TEPSIN: variants seen among roughly 807,000 people sequenced by gnomAD.
TEPSIN encodes AP-4 complex accessory subunit tepsin.
Under a neutral mutation model 48.5 loss-of-function variants are expected in TEPSIN, and 50 were observed. The ratio of observed to expected loss-of-function variants is 1.03; its 90% CI spans 0.82 to 1.31. The LOEUF (loss-of-function observed/expected upper bound fraction) is 1.31. Among genes scored for constraint, TEPSIN ranks in the 50% most tolerant of loss-of-function variants. The pLI is 0.00. For synonymous variants in TEPSIN, 392 were observed against 358.8 expected (o/e 1.09, Z -1.05); for missense variants, 838 against 815.9 (o/e 1.03, Z -0.33).
rs1282555172 is a variant in TEPSIN at position 81,233,678 on chromosome 17, C to T, written c.414G>A (p.Pro138=). The change falls in exon 6 of 13, where the codon CCG becomes CCA. Residue 138 remains proline, a synonymous_variant. Transcript: ENST00000637944. The surrounding 1 kb of genome is among the most constrained non-coding windows in gnomAD (Gnocchi z 5.8). ...GSTLFSDTVL[P]LAPSQPLGTP... ...TCCCCAGAGGCTGGGAGGGAGCCAGCGGCAACACGGTGTCCGAGAACAGGG... is the reference window on the plus strand; with the variant it reads ...TCCCCAGAGGCTGGGAGGGAGCCAGTGGCAACACGGTGTCCGAGAACAGGG... The T allele has an allele frequency of 1.9e-5, 30 of 1,599,820 alleles. No homozygotes were observed. Among genetic ancestry groups the T allele is most frequent in the South Asian group, 1.4e-4 (12 of 88,470 alleles).
chr17:81,230,573 G>A lies in TEPSIN; in HGVS notation c.1204C>T (p.Pro402Ser). 3.7e-6 allele frequency: 6 copies of A among 1,611,858 alleles called. No homozygotes were observed. Among genetic ancestry groups the A allele is most frequent in the Non-Finnish European group, 5.1e-6 (6 of 1,179,280 alleles). ...GTGGCCTTGTTGGTCACAGGTCCCG[G>A]GCTGCCCATGCTGAGCTCCTGCAGC... The part of the protein sequence containing the change: ...PWLQELSMGS[P>S]GPVTNKATKI... The change falls in exon 12 of 13, where the codon CCG (proline) becomes TCG (serine). Residue 402 changes from proline to serine, a missense_variant. Physicochemically the swap from Pro to Ser is moderately conservative, Grantham distance 74 (BLOSUM62 -1). Transcript: ENST00000637944. The surrounding 1 kb of genome is among the most constrained non-coding windows in gnomAD (Gnocchi z 4.2).
rs866212591 is a variant in TEPSIN at position 81,228,812 on chromosome 17, G to A, written c.*116C>T. 7.3e-5 allele frequency: 95 copies of A among 1,301,086 alleles called. No homozygotes were observed. Among genetic ancestry groups the A allele is most frequent in the Middle Eastern group, 5.1e-4 (2 of 3,884 alleles). The allele number at this position is 1,301,086 out of a possible 1,614,324, so 80.6% of individuals were successfully genotyped here. On this transcript the variant is annotated 3_prime_UTR_variant, in exon 13 of 13. Transcript: ENST00000637944. Reference sequence around the variant, plus strand: ...GGGAAACTGAGGTAGCCCTAGGGTCGTCCTCTCAAGTCAAGCTGCCTGGAG... The same window carrying A: ...GGGAAACTGAGGTAGCCCTAGGGTCATCCTCTCAAGTCAAGCTGCCTGGAG...
In TEPSIN at chr17:81,229,832, G is replaced by A. The variant is rs556310339; in HGVS notation, c.1234-356C>T. 8.3e-5 allele frequency: 27 copies of A among 323,866 alleles called. No individual in the cohort carries two copies. The South Asian group carries it at 8.8e-4, about 11-fold the overall frequency. 20.1% of individuals were successfully genotyped at this position (323,866 alleles called of 1,614,324 possible). A position where few individuals can be genotyped will look rare whatever the true frequency, so the allele number is the denominator to read the frequency against. On this transcript the variant is annotated intron_variant, in intron 12 of 12. Coordinates refer to ENST00000637944, the MANE Select transcript of TEPSIN (RefSeq NM_001363764.2). Reference sequence around the variant, plus strand: ...ATCTGGGCATTTCCAACTGTTGGACGCAGGGTTCTTCCAGCATGCCCGTTT... The same window carrying A: ...ATCTGGGCATTTCCAACTGTTGGACACAGGGTTCTTCCAGCATGCCCGTTT...
At position 81,234,429 on chromosome 17, in the gene TEPSIN, A is replaced by G. The variant is rs1194310440; in HGVS notation, c.308-381T>C. Among the ~76,000 whole-genome samples, 6 of 151,956 alleles carry G rather than the reference A, an allele frequency of 3.9e-5. No homozygotes were observed. The East Asian group carries it at 1.2e-3, about 29-fold the overall frequency. On this transcript the variant is annotated intron_variant, in intron 4 of 12. Coordinates refer to ENST00000637944, the MANE Select transcript of TEPSIN (RefSeq NM_001363764.2). The surrounding 1 kb of genome is among the most constrained non-coding windows in gnomAD (Gnocchi z 5.4). Reference sequence around the variant, plus strand: ...ACCAGCGTTCTTATCACAGCCTGAAAGCTCCACCTAGCCCCACCCAACCCC... The same window carrying G: ...ACCAGCGTTCTTATCACAGCCTGAAGGCTCCACCTAGCCCCACCCAACCCC...
intron 9 of TEPSIN, 50 bp from the exon 10 acceptor site, chr17:81,231,741 C>A: frequency 6.2e-7 from 1 of 1,608,578 alleles, no homozygotes. Flanking sequence ...CATGCCCCCA[C>A]TCCTGTCTCG....
chr17:81,229,036 T>C lies in TEPSIN; in HGVS notation c.1674A>G (p.Gly558=), dbSNP rs1598344537. The change falls in exon 13 of 13, where the codon GGA becomes GGG. Residue 558 remains glycine (G), a synonymous_variant. Coordinates refer to ENST00000637944, the MANE Select transcript of TEPSIN (RefSeq NM_001363764.2). ...PRLVGAGAAA[G]ESCPDAPRAP... Reference sequence around the variant, plus strand: ...CGCGGGGAGCATCAGGACAGGACTCTCCCGCAGCAGCCCCAGCCCCCACCA... The same window carrying C: ...CGCGGGGAGCATCAGGACAGGACTCCCCCGCAGCAGCCCCAGCCCCCACCA... 6.2e-7 allele frequency: 1 copy of C among 1,613,058 alleles called. No individual in the cohort carries two copies.
chr17:81,233,781 C>T lies in TEPSIN; in HGVS notation c.376-65G>A, dbSNP rs931003323. On this transcript the variant is annotated intron_variant, in intron 5 of 12. Coordinates refer to ENST00000637944, the MANE Select transcript of TEPSIN (RefSeq NM_001363764.2). This position sits in a 1 kb window ranked among gnomAD's most constrained non-coding sequence, Gnocchi z 5.8. ...GGGCCTGCTGTACTCACCCTGCCAC[C>T]CATATCAGCTCCGTTCTGTCCCCCG... is the stretch of plus-strand genomic sequence containing the variant. The T allele has an allele frequency of 1.3e-5, 19 of 1,489,598 alleles. No homozygotes were observed. In the African/African-American group the frequency reaches 2.5e-4, roughly 19 times the overall value. 92.3% of individuals were successfully genotyped at this position (1,489,598 alleles called of 1,614,324 possible).
Position 81,234,016 on chromosome 17 carries a change from T to A in TEPSIN, c.340A>T (p.Asn114Tyr). 3 of 1,597,212 alleles carry A rather than the reference T, an allele frequency of 1.9e-6. No individual in the cohort carries two copies. The highest frequency in any genetic ancestry group is 4.5e-5 in the East Asian group (2 of 44,314). ...GCGCGAACCTTCTGGTACAAGCTGT[T>A]CCCGTGCAGAGGATCTGGGGGCCCT... ...FAGPPDPLHG[N>Y]SLYQKVRAAA... Residue 114 changes from asparagine (N) to tyrosine (Y), a missense_variant, in exon 5 of 13, where the codon AAC becomes TAC. Physicochemically the swap from Asn to Tyr is moderately radical, Grantham distance 143 (BLOSUM62 -2). Transcript: ENST00000637944. The surrounding 1 kb of genome is among the most constrained non-coding windows in gnomAD (Gnocchi z 5.4).
intron 8 of TEPSIN, 118 bp from the exon 9 acceptor site, chr17:81,232,139 GC>G: frequency 7.3e-7 from 1 of 1,364,386 alleles, no homozygotes; most frequent in Non-Finnish European, 9.8e-7. Flanking sequence ...AGGATGGGTG[GC>G]CACCTTGGCT....
At chr17:81,236,234 C>T (rs1389513583) in intron 4 of TEPSIN, among the ~76,000 whole-genome samples, 1 of 152,228 alleles carries the variant, frequency 6.6e-6, no homozygotes, top group Non-Finnish European at 1.5e-5. Flanking sequence ...CTCCTGCCTC[C>T]CAGCTCCGCC....
chr17:81,235,074 C>T (rs772649097), intron 4 of TEPSIN, among the ~76,000 whole-genome samples: 11 of 152,166 alleles, frequency 7.2e-5, no homozygotes, highest in Non-Finnish European at 1.3e-4. Context: ...GAAAACCCAC[C>T]TCCAGGCTGA....
At position 81,229,085 on chromosome 17, in the gene TEPSIN, A is replaced by C. The variant is rs1217336156; in HGVS notation, c.1625T>G (p.Met542Arg). 2 of 1,613,616 alleles carry C rather than the reference A, an allele frequency of 1.2e-6. No individual in the cohort carries two copies. Among genetic ancestry groups the C allele is most frequent in the Non-Finnish European group, 1.7e-6 (2 of 1,179,978 alleles). The change falls in exon 13 of 13, where the codon ATG (methionine) becomes AGG (arginine). Residue 542 changes from methionine to arginine, a missense_variant. Transcript: ENST00000637944. ...CAGGCGGGGACAGGCCACCAGCTCC[A>C]TGCCAGCAAACAAGGAGTCGCGGCT... Reference protein sequence around the residue: ...AWSRDSLFAGMELVACPRLVG... With the variant: ...AWSRDSLFAGRELVACPRLVG...
intron 2 of TEPSIN, 140 bp downstream of exon 2, chr17:81,237,247 G>C: frequency 8.1e-7 from 1 of 1,227,080 alleles, no homozygotes; most frequent in Middle Eastern, 1.9e-4. Context: ...GCAGCCTTCA[G>C]ACCCCACCCA....
At position 81,230,920 on chromosome 17, in the gene TEPSIN, G is replaced by A. The variant is rs137876824; in HGVS notation, c.1099-242C>T. 3.1e-5 allele frequency: 17 copies of A among 552,868 alleles called. No individual in the cohort carries two copies. Among genetic ancestry groups the A allele is most frequent in the African/African-American group, 7.8e-5 (4 of 51,406 alleles). 34.2% of individuals were successfully genotyped at this position (552,868 alleles called of 1,614,324 possible). A position where few individuals can be genotyped will look rare whatever the true frequency, so the allele number is the denominator to read the frequency against. ...CAGACACCAGAGCCCTGTCTTCACC[G>A]CCTTACACCCCAGCTCCCGGACACC... On this transcript the variant is annotated intron_variant, in intron 11 of 12. Coordinates refer to ENST00000637944, the MANE Select transcript of TEPSIN (RefSeq NM_001363764.2). The surrounding 1 kb of genome is among the most constrained non-coding windows in gnomAD (Gnocchi z 4.2).
At position 81,230,513 on chromosome 17, in the gene TEPSIN, C is replaced by T. The variant is rs886925844; in HGVS notation, c.1233+31G>A. The T allele has an allele frequency of 1.2e-5, 19 of 1,607,948 alleles. No homozygotes were observed. Among genetic ancestry groups the T allele is most frequent in the African/African-American group, 2.7e-5 (2 of 74,694 alleles). ...TATCTCCCACTGTACCCTTGGACCCCGGTGTGCGTGTGGCCTCCGCAGCTG... is the reference window on the plus strand; with the variant it reads ...TATCTCCCACTGTACCCTTGGACCCTGGTGTGCGTGTGGCCTCCGCAGCTG... On this transcript the variant is annotated intron_variant, in intron 12 of 12. Coordinates refer to ENST00000637944, the MANE Select transcript of TEPSIN (RefSeq NM_001363764.2). This position sits in a 1 kb window ranked among gnomAD's most constrained non-coding sequence, Gnocchi z 4.2.
At position 81,231,710 on chromosome 17, in the gene TEPSIN, G is replaced by T. The variant is rs373952381; in HGVS notation, c.906-19C>A. ...CTCGACCCTGCCAGGGGGAATGGCCGGGTCAAGGGTGAGTGGAGGCCATGC... is the reference window on the plus strand; with the variant it reads ...CTCGACCCTGCCAGGGGGAATGGCCTGGTCAAGGGTGAGTGGAGGCCATGC... On this transcript the variant is annotated intron_variant, in intron 9 of 12. Coordinates refer to ENST00000637944, the MANE Select transcript of TEPSIN (RefSeq NM_001363764.2). 1 of 1,610,046 alleles carries T rather than the reference G, an allele frequency of 6.2e-7. No homozygotes were observed. The highest frequency in any genetic ancestry group is 8.5e-7 in the Non-Finnish European group (1 of 1,178,416).
intron 7 of TEPSIN, 178 bp from the exon 8 acceptor site, chr17:81,232,696 G>A (rs963001366): frequency 4.8e-5 from 28 of 589,186 alleles, no homozygotes; most frequent in South Asian, 4.1e-4. Context: ...AGTGGACTCC[G>A]CTTTGGCATT....
At chr17:81,236,181 C>T (rs1034339977) in intron 4 of TEPSIN, among the ~76,000 whole-genome samples, 1 of 152,224 alleles carries the variant, frequency 6.6e-6, no homozygotes, top group African/African-American at 2.4e-5. Flanking sequence ...CTCCCCCAGA[C>T]CCATCTTCTG....
At chr17:81,235,709 T>A (rs2062708408) in intron 4 of TEPSIN, among the ~76,000 whole-genome samples, 1 of 151,458 alleles carries the variant, frequency 6.6e-6, no homozygotes, top group Admixed American at 6.6e-5. Context: ...CGCTGAATGG[T>A]GAGGATAAAT....
Sources: gnomAD v4.1 joint callset for allele counts (sites outside exome capture counted in the v4.1 genomes callset) on GRCh38, gnomAD v4.1.1 for gene constraint, Gnocchi (gnomAD v3.1) non-coding constraint, MANE v1.5 for transcripts, NCBI Gene and HGNC (gene_info 2026-07-23, HGNC 2026-07-21) for gene names.